Variants in MYO3A observed in about 807,000 individuals in gnomAD.
The protein encoded by MYO3A is myosin IIIA.
In MYO3A, 180 loss-of-function variants were observed where a neutral mutation model predicts 192.7. That is an observed-to-expected ratio of 0.93 (90% CI 0.83 to 1.06). The LOEUF (loss-of-function observed/expected upper bound fraction) is 1.06. Among genes scored for constraint, MYO3A ranks in the 50% least tolerant of loss-of-function variants. The pLI, the probability that MYO3A is intolerant of heterozygous loss-of-function variation, is 0.00. For missense variants in MYO3A, 1,896 were observed against 1,905.0 expected (o/e 1.00, Z 0.09); for synonymous variants, 628 against 645.3 (o/e 0.97, Z 0.41).
chr10:26,126,407 TA>T (rs998292832), intron 19 of MYO3A, among the ~76,000 whole-genome samples: 5 of 152,146 alleles, frequency 3.3e-5, no homozygotes, highest in African/African-American at 1.2e-4. Flanking sequence ...AATTCATTAT[TA>T]TTTTTTTCAC....
At chr10:26,186,989 A>G (rs549585575) in intron 31 of MYO3A, among the ~76,000 whole-genome samples, 13 of 152,296 alleles carry the variant, frequency 8.5e-5, no homozygotes, top group Admixed American at 8.5e-4. Context: ...GAGCTTTATT[A>G]CTTATTTTAT....
At chr10:26,069,395 A>G (rs539120561) in intron 12 of MYO3A, among the ~76,000 whole-genome samples, 49 of 152,200 alleles carry the variant, frequency 3.2e-4, no homozygotes, top group African/African-American at 1.1e-3. Flanking sequence ...CAATTATTTA[A>G]CCACTGGTGG....
At chr10:25,947,118 T>C (rs1836892726) in intron 2 of MYO3A, among the ~76,000 whole-genome samples, 1 of 151,950 alleles carries the variant, frequency 6.6e-6, no homozygotes, top group African/African-American at 2.4e-5. Flanking sequence ...TCGTTCTTTT[T>C]TCTTTTTGCC....
intron 10 of MYO3A, among the ~76,000 whole-genome samples, chr10:26,065,750 AG>A (rs1834798291): frequency 6.6e-6 from 1 of 152,048 alleles, no homozygotes. Context: ...TCAATGATGT[AG>A]GAATGAGAGA....
intron 6 of MYO3A, among the ~76,000 whole-genome samples, chr10:26,004,303 T>C (rs1039386458): frequency 8.5e-5 from 13 of 152,118 alleles, no homozygotes; most frequent in Non-Finnish European, 1.8e-4. Flanking sequence ...GGAGGCCTGA[T>C]ACAGTCAGGA....
chr10:25,953,450 C>T (rs925886109), intron 3 of MYO3A, among the ~76,000 whole-genome samples: 3 of 152,076 alleles, frequency 2.0e-5, no homozygotes, highest in Admixed American at 1.3e-4. Flanking sequence ...TTAACTGTTG[C>T]TGAATGTCTT....
intron 4 of MYO3A, among the ~76,000 whole-genome samples, chr10:25,959,564 G>A (rs1156804662): frequency 6.6e-6 from 1 of 152,126 alleles, no homozygotes; most frequent in African/African-American, 2.4e-5. Flanking sequence ...CATCTGCCCA[G>A]TCTTGTTTGG....
At chr10:25,961,829 G>A (rs1034650940) in intron 4 of MYO3A, among the ~76,000 whole-genome samples, 2 of 152,156 alleles carry the variant, frequency 1.3e-5, no homozygotes, top group Non-Finnish European at 2.9e-5. Context: ...TCAATGCTTT[G>A]TAGTACAACA....
chr10:26,018,030 A>G (rs1166559038), intron 7 of MYO3A, among the ~76,000 whole-genome samples: 1 of 150,464 alleles, frequency 6.6e-6, no homozygotes, highest in Non-Finnish European at 1.5e-5. Context: ...TATAATTAAT[A>G]TCCTAGCTTT....
chr10:26,084,734 C>T (rs1207514279), intron 14 of MYO3A, among the ~76,000 whole-genome samples: 1 of 152,160 alleles, frequency 6.6e-6, no homozygotes, highest in African/African-American at 2.4e-5. Flanking sequence ...AAACTCCTGG[C>T]TTCAAGCTGT....
intron 15 of MYO3A, among the ~76,000 whole-genome samples, chr10:26,091,099 A>T (rs534925779): frequency 1.3e-5 from 2 of 152,318 alleles, no homozygotes; most frequent in East Asian, 3.9e-4. Context: ...GGAGCCCAAG[A>T]ATTGCAGGCT....
intron 17 of MYO3A, among the ~76,000 whole-genome samples, chr10:26,110,897 ATC>A (rs1401712291): frequency 3.0e-5 from 4 of 134,426 alleles, no homozygotes; most frequent in Non-Finnish European, 6.3e-5. Flanking sequence ...AAGAGATGGG[ATC>A]TCTCTCTGTT....
At position 26,170,549 on chromosome 10, in the gene MYO3A, T is replaced by C. The variant is rs750334116; in HGVS notation, c.3398+10T>C. On this transcript the variant is annotated intron_variant, in intron 29 of 34. Coordinates refer to ENST00000642920, the MANE Select transcript of MYO3A (RefSeq NM_017433.5). The stretch of plus-strand genomic sequence containing the variant: ...ACTTTGAAAATACAAGGTATAATGA[T>C]GTTCATTCTTATACCGTTGTAACAT... 6 of 1,606,150 alleles carry C rather than the reference T, an allele frequency of 3.7e-6. No individual in the cohort carries two copies. In the East Asian group the frequency reaches 8.9e-5, roughly 24 times the overall value.
chr10:26,094,882 G>T (rs1378621856), intron 15 of MYO3A, among the ~76,000 whole-genome samples: 1 of 152,136 alleles, frequency 6.6e-6, no homozygotes. Context: ...CATGAAGTGG[G>T]CTTTTTTCCG....
chr10:26,156,991 A>C (rs1348103013), intron 25 of MYO3A, among the ~76,000 whole-genome samples: 1 of 152,230 alleles, frequency 6.6e-6, no homozygotes, highest in African/African-American at 2.4e-5. Context: ...TTAGCCTAAG[A>C]GTATATAATT....
chr10:25,955,144 T>C, intron 4 of MYO3A, 136 bp downstream of exon 4: 6 of 1,301,118 alleles, frequency 4.6e-6, no homozygotes, highest in Non-Finnish European at 6.6e-6. Flanking sequence ...ATGTTGTGCC[T>C]AGTTTTGGCC....
intron 4 of MYO3A, among the ~76,000 whole-genome samples, chr10:25,978,229 A>C (rs1054926543): frequency 3.3e-5 from 5 of 152,136 alleles, no homozygotes; most frequent in African/African-American, 1.2e-4. Flanking sequence ...GGCTATGTTT[A>C]TTTGGAATAG....
chr10:26,008,449 C>G (rs1400522879), intron 6 of MYO3A, among the ~76,000 whole-genome samples: 3 of 147,964 alleles, frequency 2.0e-5, no homozygotes, highest in Non-Finnish European at 3.0e-5. Flanking sequence ...AACAGGCAAC[C>G]TACAAAATGG....
At chr10:26,091,098 G>A (rs950569617) in intron 15 of MYO3A, among the ~76,000 whole-genome samples, 1 of 152,216 alleles carries the variant, frequency 6.6e-6, no homozygotes, top group Non-Finnish European at 1.5e-5. Flanking sequence ...GGGAGCCCAA[G>A]AATTGCAGGC....
Sources: gnomAD v4.1 joint callset for allele counts (sites outside exome capture counted in the v4.1 genomes callset) on GRCh38, gnomAD v4.1.1 for gene constraint, MANE v1.5 for transcripts, NCBI Gene and HGNC (gene_info 2026-07-23, HGNC 2026-07-21) for gene names.